GLT1D1: variants seen among roughly 807,000 people sequenced by gnomAD.
GLT1D1 encodes glycosyltransferase 1 domain containing 1, also known as glycosyltransferase 1 domain-containing protein 1.
GLT1D1 carries 21 observed loss-of-function variants against 28.7 expected under a neutral mutation model. The ratio of observed to expected loss-of-function variants is 0.73; its 90% confidence interval spans 0.52 to 1.05. The LOEUF (loss-of-function observed/expected upper bound fraction) is 1.05, where lower values mean the gene tolerates loss of function less well. Ranked by LOEUF, GLT1D1 falls within the 50% of genes least tolerant of loss-of-function variation. The pLI is 0.00. For synonymous variants in GLT1D1, 147 were observed against 124.8 expected, an observed-to-expected ratio of 1.18 and a Z score of -1.19; for missense variants, 343 against 330.6, an observed-to-expected ratio of 1.04 and a Z score of -0.29.
intron 4 of GLT1D1, among the ~76,000 whole-genome samples, chr12:128,914,125 C>T (rs564288694): frequency 6.6e-6 from 1 of 152,106 alleles, no homozygotes; most frequent in African/African-American, 2.4e-5. Context: ...GACGTTGCCT[C>T]TGAATTTCTA....
chr12:128,922,340 A>G (rs1181683231), intron 4 of GLT1D1, among the ~76,000 whole-genome samples: 1 of 152,192 alleles, frequency 6.6e-6, no homozygotes, highest in Admixed American at 6.5e-5. Context: ...CTCTATCCTC[A>G]TCAAACTTTC....
At chr12:128,859,129 T>G (rs2135755327) in intron 1 of GLT1D1, among the ~76,000 whole-genome samples, 1 of 152,352 alleles carries the variant, frequency 6.6e-6, no homozygotes, top group South Asian at 2.1e-4. Context: ...GAGGGCTGTG[T>G]CACAGGCCAT....
chr12:128,956,907 A>G (rs1389292177), intron 6 of GLT1D1, among the ~76,000 whole-genome samples: 1 of 152,164 alleles, frequency 6.6e-6, no homozygotes, highest in Non-Finnish European at 1.5e-5. Context: ...AACTTAGAAC[A>G]CTGTAGAAAG....
At chr12:128,960,835 A>G (rs186020709) in intron 7 of GLT1D1, among the ~76,000 whole-genome samples, 20 of 152,310 alleles carry the variant, frequency 1.3e-4, no homozygotes, top group African/African-American at 4.8e-4. Flanking sequence ...AGGAATGTCC[A>G]TGTCAGAGCG....
chr12:128,920,213 C>T (rs1004254782), intron 4 of GLT1D1, among the ~76,000 whole-genome samples: 1 of 152,046 alleles, frequency 6.6e-6, no homozygotes, highest in African/African-American at 2.4e-5. Context: ...CTAATGTGTT[C>T]GACTGAAGTA....
At chr12:128,933,143 G>A (rs1874111501) in intron 4 of GLT1D1, among the ~76,000 whole-genome samples, 1 of 140,238 alleles carries the variant, frequency 7.1e-6, no homozygotes, top group South Asian at 2.4e-4. Context: ...GAGCTTTTTA[G>A]GACGTGGGGA....
intron 4 of GLT1D1, 147 bp from the exon 5 acceptor site, chr12:128,912,277 T>C: frequency 2.2e-6 from 1 of 464,662 alleles, no homozygotes; most frequent in East Asian, 3.2e-5. Context: ...TACAGAGTAA[T>C]AAGTCTATGA....
At chr12:128,900,636 C>CT (rs71072419) in intron 4 of GLT1D1, among the ~76,000 whole-genome samples, 550 of 140,534 alleles carry the variant, frequency 3.9e-3, no homozygotes, top group African/African-American at 5.4e-3. Context: ...TAATACCAAA[C>CT]TTTTTTTTTT....
rs145078641 is a variant in GLT1D1, at chr12:128,927,240, C to T, written c.376-18086C>T. 5.2e-4 allele frequency: 557 copies of T among 1,061,764 alleles called. 1 individual carries two copies. The African/African-American group carries it at 8.0e-3, about 15-fold the overall frequency. The allele number at this position is 1,061,764 out of a possible 1,614,324, so 65.8% of individuals were successfully genotyped here. A position where few individuals can be genotyped will look rare whatever the true frequency, so the allele number is the denominator to read the frequency against. Reference sequence around the variant, plus strand: ...TATTTTCTACAATCAGTTTACATTGCTCTTCTTTATTTTTTTGAGACGGAG... The same window carrying T: ...TATTTTCTACAATCAGTTTACATTGTTCTTCTTTATTTTTTTGAGACGGAG... On this transcript the variant is annotated intron_variant, in intron 4 of 7. Coordinates refer to ENST00000281703, the MANE Select transcript of GLT1D1 (RefSeq NM_144669.3).
chr12:128,881,591 TATAA>T (rs1319631662), intron 2 of GLT1D1, among the ~76,000 whole-genome samples: 1 of 109,976 alleles, frequency 9.1e-6, no homozygotes, highest in African/African-American at 3.5e-5. Context: ...TATATATATA[TATAA>T]AATTTATAGA....
intron 4 of GLT1D1, among the ~76,000 whole-genome samples, chr12:128,927,999 C>CAAAAAAAAAAAAAAAAAAAAAAAAA (rs938188484): frequency 1.2e-4 from 5 of 42,250 alleles, no homozygotes; most frequent in African/African-American, 2.3e-4. Flanking sequence ...GACTCTGTCT[C>CAAAAAAAAAAAAAAAAAAAAAAAAA]AAAAAAAAAA....
chr12:128,874,124 C>CTTTCTTTCTT (rs1352539357), intron 1 of GLT1D1, among the ~76,000 whole-genome samples: 11 of 39,282 alleles, frequency 2.8e-4, no homozygotes, highest in East Asian at 1.0e-3. Context: ...CTCTCTCTCT[C>CTTTCTTTCTT]TCTTTCTTTC....
At chr12:128,968,118 C>T (rs1486067502) in intron 7 of GLT1D1, among the ~76,000 whole-genome samples, 2 of 152,184 alleles carry the variant, frequency 1.3e-5, no homozygotes, top group East Asian at 3.9e-4. Context: ...GCCTCAGCCT[C>T]CCGAGTAGCT....
At chr12:128,944,847 T>C in intron 4 of GLT1D1, 1 of 287,632 alleles carries the variant, frequency 3.5e-6, no homozygotes, top group Non-Finnish European at 6.4e-6. Flanking sequence ...GTGCACAATG[T>C]GCAGGTTTGT....
intron 4 of GLT1D1, among the ~76,000 whole-genome samples, chr12:128,919,957 C>G: frequency 2.5e-4 from 1 of 3,966 alleles, no homozygotes; most frequent in Admixed American, 4.5e-3. Flanking sequence ...CTCTCTCTCT[C>G]TCTCTCTCTC....
intron 6 of GLT1D1, among the ~76,000 whole-genome samples, chr12:128,954,304 GTA>G (rs1877050411): frequency 2.5e-5 from 2 of 81,088 alleles, no homozygotes; most frequent in Non-Finnish European, 3.1e-5. Context: ...TTTTTTTTTT[GTA>G]TTTTTAGTAG....
intron 7 of GLT1D1, among the ~76,000 whole-genome samples, chr12:128,965,233 G>C (rs1878335523): frequency 6.6e-6 from 1 of 152,266 alleles, no homozygotes; most frequent in African/African-American, 2.4e-5. Context: ...AGAATTCAGA[G>C]AGACTGGGAC....
At chr12:128,902,797 C>T (rs1279797338) in intron 4 of GLT1D1, among the ~76,000 whole-genome samples, 1 of 151,492 alleles carries the variant, frequency 6.6e-6, no homozygotes, top group African/African-American at 2.4e-5. Flanking sequence ...AATCCCAGCA[C>T]TTTGGGAGGC....
At chr12:128,934,474 G>A (rs528254777) in intron 4 of GLT1D1, among the ~76,000 whole-genome samples, 30 of 152,278 alleles carry the variant, frequency 2.0e-4, no homozygotes, top group Admixed American at 1.3e-3. Flanking sequence ...GATTACAGGC[G>A]TGAGCCACTG....
Sources: gnomAD v4.1 joint callset for allele counts (sites outside exome capture counted in the v4.1 genomes callset) on GRCh38, gnomAD v4.1.1 for gene constraint, MANE v1.5 for transcripts, NCBI Gene and HGNC (gene_info 2026-07-23, HGNC 2026-07-21) for gene names.